The following GOLM2 variants were observed in gnomAD, a reference collection of about 807,000 sequenced individuals.
GOLM2 encodes the protein golgi membrane protein 2, also known as protein GOLM2.
GOLM2 carries 26 observed loss-of-function variants against 55.9 expected under a neutral mutation model. The observed-to-expected ratio is 0.47, with a 90% CI of 0.34 to 0.65. GOLM2 has a LOEUF of 0.65. Among genes scored for constraint, GOLM2 ranks in the 30% least tolerant of loss-of-function variants. GOLM2 has a pLI of 0.01. For missense variants in GOLM2, 486 were observed against 531.8 expected, an observed-to-expected ratio of 0.91 and a Z score of 0.85; for synonymous variants, 165 against 194.6, an observed-to-expected ratio of 0.85 and a Z score of 1.27.
Position 44,331,999 on chromosome 15 carries a change from G to A in GOLM2, c.497G>A (p.Gly166Glu). 6.2e-7 allele frequency: 1 copy of A among 1,603,160 alleles called. No individual in the cohort carries two copies. The highest frequency in any genetic ancestry group is 8.5e-7 in the Non-Finnish European group (1 of 1,172,808). Residue 166 changes from glycine (G) to glutamate (E), a missense_variant, in exon 4 of 10, where the codon GGA (glycine) becomes GAA (glutamate). Coordinates refer to ENST00000299957, the MANE Select transcript of GOLM2 (RefSeq NM_138423.4). ...KRLEYESFQC[G>E]QQMKELRAQH... is the part of the protein sequence containing the mutation. ...ACTTTGTAATTTAGTTTTCAGTGTG[G>A]ACAGCAGATGAAGGAATTGAGAGCA...
intron 6 of GOLM2, among the ~76,000 whole-genome samples, chr15:44,357,172 C>T (rs879259419): frequency 8.6e-5 from 13 of 151,678 alleles, no homozygotes; most frequent in East Asian, 3.9e-4. Flanking sequence ...CACCACCACC[C>T]GCCCCCCAAA....
At chr15:44,388,945 A>G (rs906081037) in intron 8 of GOLM2, among the ~76,000 whole-genome samples, 7 of 151,882 alleles carry the variant, frequency 4.6e-5, no homozygotes, top group African/African-American at 9.7e-5. Context: ...CCTCCCAAGT[A>G]GCTGGGACTA....
chr15:44,410,280 A>G (rs958888969), intron 9 of GOLM2, among the ~76,000 whole-genome samples: 1 of 152,140 alleles, frequency 6.6e-6, no homozygotes, highest in African/African-American at 2.4e-5. Context: ...CTACTAAAAA[A>G]ATACAAAAAA....
chr15:44,326,727 C>G (rs995996487), intron 2 of GOLM2, among the ~76,000 whole-genome samples: 2 of 149,670 alleles, frequency 1.3e-5, no homozygotes, highest in Non-Finnish European at 1.5e-5. Flanking sequence ...TCTCGGTTTG[C>G]TGTAACCTCC....
intron 8 of GOLM2, among the ~76,000 whole-genome samples, chr15:44,401,967 T>G (rs1345397702): frequency 2.0e-5 from 3 of 151,870 alleles, no homozygotes; most frequent in African/African-American, 4.8e-5. Context: ...GTAGCTGGGA[T>G]TACAGGCATC....
At chr15:44,376,665 C>A (rs2079366872) in intron 6 of GOLM2, among the ~76,000 whole-genome samples, 1 of 152,144 alleles carries the variant, frequency 6.6e-6, no homozygotes, top group Non-Finnish European at 1.5e-5. Flanking sequence ...CAAGTATCTC[C>A]TATACAAAAT....
chr15:44,351,343 G>A (rs1043804692), intron 6 of GOLM2, among the ~76,000 whole-genome samples: 1 of 151,986 alleles, frequency 6.6e-6, no homozygotes, highest in East Asian at 1.9e-4. Flanking sequence ...TTGGGAGGCC[G>A]AGTTGGGTGG....
At chr15:44,397,625 C>G (rs1447843266) in intron 8 of GOLM2, among the ~76,000 whole-genome samples, 1 of 151,212 alleles carries the variant, frequency 6.6e-6, no homozygotes, top group African/African-American at 2.4e-5. Flanking sequence ...ACTTCTTTGA[C>G]TTATAGCTGT....
At chr15:44,380,610 A>G (rs1196861978) in intron 7 of GOLM2, among the ~76,000 whole-genome samples, 196 bp from the exon 8 acceptor site, 2 of 151,892 alleles carry the variant, frequency 1.3e-5, no homozygotes, top group Non-Finnish European at 2.9e-5. Context: ...TAAACTTCCC[A>G]CAGCTAAAAT....
At chr15:44,327,959 G>A (rs1314092945) in intron 2 of GOLM2, among the ~76,000 whole-genome samples, 2 of 152,316 alleles carry the variant, frequency 1.3e-5, no homozygotes, top group Admixed American at 6.5e-5. Flanking sequence ...AAAGTGATTG[G>A]CACCTATGTT....
intron 6 of GOLM2, among the ~76,000 whole-genome samples, chr15:44,356,617 C>T (rs148300967): frequency 1.6e-3 from 249 of 152,244 alleles, no homozygotes; most frequent in Admixed American, 6.2e-3. Context: ...ATGGGTTTGC[C>T]GGTGAATTCT....
intron 6 of GOLM2, among the ~76,000 whole-genome samples, chr15:44,368,698 C>T (rs896594329): frequency 4.0e-5 from 6 of 151,494 alleles, no homozygotes; most frequent in African/African-American, 7.3e-5. Flanking sequence ...CATATATATA[C>T]GCACACACAT....
intron 2 of GOLM2, among the ~76,000 whole-genome samples, chr15:44,324,575 TAGACACTA>T (rs1345823537): frequency 6.6e-6 from 1 of 152,156 alleles, no homozygotes; most frequent in Non-Finnish European, 1.5e-5. Flanking sequence ...GTAGAATTAA[TAGACACTA>T]AGACACTTGA....
rs191493275 is a variant in GOLM2 at position 44,415,413 on chromosome 15, T to C, written c.*2007T>C. 3 of 152,774 alleles carry C rather than the reference T, an allele frequency of 2.0e-5. No homozygotes were observed. The highest frequency in any genetic ancestry group is 7.2e-5 in the African/African-American group (3 of 41,588). 9.5% of individuals were successfully genotyped at this position (152,774 alleles called of 1,614,324 possible). ...CATGCAATTACCTGCCTTAGTTCTT[T>C]TGTCATAAAAACAATCACTTGGTTG... is the stretch of plus-strand genomic sequence containing the variant. On this transcript the variant is annotated 3_prime_UTR_variant, in exon 10 of 10. Transcript: ENST00000299957.
At chr15:44,316,013 AG>A (rs1228578582) in intron 1 of GOLM2, among the ~76,000 whole-genome samples, 1 of 152,218 alleles carries the variant, frequency 6.6e-6, no homozygotes, top group East Asian at 1.9e-4. Context: ...TATGGGTATC[AG>A]GAAGTTTATG....
chr15:44,379,766 T>A lies in GOLM2; in HGVS notation c.879T>A (p.Pro293=), dbSNP rs768491876. The A allele has an allele frequency of 9.1e-5, 147 of 1,609,322 alleles. No individual in the cohort carries two copies. The Admixed American group carries it at 2.4e-3, about 27-fold the overall frequency. ...TCTCCCATCTTCCAACTGGACAACC[T>A]CTCTCCCCAAATATGCCTCCAGGTA... ...QAISHLPTGQ[P]LSPNMPPDSH... is the part of the protein sequence containing the mutation. The change falls in exon 7 of 10, where the codon CCT becomes CCA. Residue 293 remains proline, a synonymous_variant. Coordinates refer to ENST00000299957, the MANE Select transcript of GOLM2 (RefSeq NM_138423.4).
intron 1 of GOLM2, among the ~76,000 whole-genome samples, chr15:44,296,513 C>CA (rs918528883): frequency 1.1e-4 from 17 of 151,924 alleles, no homozygotes; most frequent in African/African-American, 2.7e-4. Flanking sequence ...AAGCGTATTA[C>CA]AAAAAAATGC....
chr15:44,410,462 G>A (rs985185956), intron 9 of GOLM2, among the ~76,000 whole-genome samples: 3 of 152,146 alleles, frequency 2.0e-5, no homozygotes, highest in African/African-American at 7.2e-5. Flanking sequence ...TTTAAGTAAA[G>A]AGTTCATTGA....
intron 6 of GOLM2, among the ~76,000 whole-genome samples, chr15:44,351,164 A>G (rs1249442461): frequency 6.6e-6 from 1 of 152,114 alleles, no homozygotes; most frequent in Admixed American, 6.6e-5. Context: ...AGCTAGAGCA[A>G]TAAGAAAAGA....
Sources: allele counts gnomAD v4.1 joint callset (sites outside exome capture counted in the v4.1 genomes callset), GRCh38; gene constraint gnomAD v4.1.1; transcripts MANE v1.5; gene names NCBI Gene and HGNC (gene_info 2026-07-23, HGNC 2026-07-21).